The following ZP4 variants were observed in gnomAD, a reference collection of about 807,000 sequenced individuals.
ZP4 encodes the protein zona pellucida sperm-binding protein 4.
A neutral mutation model predicts 62.3 loss-of-function variants in ZP4; 62 were observed. The ratio of observed to expected loss-of-function variants is 0.99; its 90% CI spans 0.81 to 1.23. The LOEUF (loss-of-function observed/expected upper bound fraction) is 1.23. Among genes scored for constraint, ZP4 ranks in the 50% most tolerant of loss-of-function variants. The pLI, the probability that ZP4 is intolerant of heterozygous loss-of-function variation, is 0.00. For missense variants in ZP4, 774 were observed against 656.0 expected (o/e 1.18, Z -1.97); for synonymous variants, 289 against 247.3 (o/e 1.17, Z -1.58).
At position 237,890,155 on chromosome 1, in the gene ZP4, T is replaced by A; in HGVS notation, c.197A>T (p.Glu66Val). The A allele has an allele frequency of 6.2e-7, 1 of 1,614,058 alleles. No individual in the cohort carries two copies. The highest frequency in any genetic ancestry group is 8.5e-7 in the Non-Finnish European group (1 of 1,180,016). The change falls in exon 2 of 12, where the codon GAG becomes GTG. Residue 66 changes from glutamate (E) to valine (V), a missense_variant. Transcript: ENST00000366570. ...IAWDNQGLLH[E>V]LQNDSDCGTW... ...GCCACAGTCGGAGTCATTCTGCAGCTCGTGCAGCAGCCCTTGGTTGTCTGG... is the reference window on the plus strand; with the variant it reads ...GCCACAGTCGGAGTCATTCTGCAGCACGTGCAGCAGCCCTTGGTTGTCTGG...
chr1:237,884,792 A>T lies in ZP4; in HGVS notation c.1367T>A (p.Val456Glu). ...VCQPAETPSC[V>E]VTCPDLSRRR... Reference sequence around the variant, plus strand: ...ACGACTGAGATCAGGACAGGTCACCACACAGGATGGTGTCTCAGCAGGCTG... The same window carrying T: ...ACGACTGAGATCAGGACAGGTCACCTCACAGGATGGTGTCTCAGCAGGCTG... Residue 456 changes from valine (V) to glutamate (E), a missense_variant, in exon 10 of 12, where the codon GTG becomes GAG. Coordinates refer to ENST00000366570, the MANE Select transcript of ZP4 (RefSeq NM_021186.5). 1 of 1,613,814 alleles carries T rather than the reference A, an allele frequency of 6.2e-7. No homozygotes were observed. The highest frequency in any genetic ancestry group is 1.1e-5 in the South Asian group (1 of 90,908).
chr1:237,890,823 T>A lies in ZP4; in HGVS notation c.-188A>T, dbSNP rs560414980. ...TAGCCTCATTTGCTTTGGGGCACAG[T>A]CTGCAGCTGCCTCACATTAAATACC... On this transcript the variant is annotated 5_prime_UTR_variant, in exon 1 of 12. Coordinates refer to ENST00000366570, the MANE Select transcript of ZP4 (RefSeq NM_021186.5). The A allele has an allele frequency of 7.2e-6, 4 of 553,828 alleles. No individual in the cohort carries two copies. In the South Asian group the frequency reaches 8.9e-5, roughly 12 times the overall value. The allele number at this position is 553,828 out of a possible 1,614,324, so 34.3% of individuals were successfully genotyped here. A position where few individuals can be genotyped will look rare whatever the true frequency, so the allele number is the denominator to read the frequency against.
Position 237,890,663 on chromosome 1 carries a change from C to T in ZP4, c.-28G>A. ...TGCTACCAGGAGTTCCTGCCGGCTGCAGACTCTCCGCCTCCTCTCCCAAGA... is the reference window on the plus strand; with the variant it reads ...TGCTACCAGGAGTTCCTGCCGGCTGTAGACTCTCCGCCTCCTCTCCCAAGA... On this transcript the variant is annotated 5_prime_UTR_variant, in exon 1 of 12. Coordinates refer to ENST00000366570, the MANE Select transcript of ZP4 (RefSeq NM_021186.5). 7 of 1,600,998 alleles carry T rather than the reference C, an allele frequency of 4.4e-6. No individual in the cohort carries two copies. Among genetic ancestry groups the T allele is most frequent in the South Asian group, 2.2e-5 (2 of 89,232 alleles).
intron 4 of ZP4, 74 bp from the exon 5 acceptor site, chr1:237,887,635 C>T (rs977573687): frequency 7.4e-6 from 11 of 1,480,774 alleles, no homozygotes; most frequent in South Asian, 1.3e-5. Flanking sequence ...AGTCTAACCA[C>T]TTAGTTACTT....
At chr1:237,887,702 A>T in intron 4 of ZP4, 141 bp from the exon 5 acceptor site, 2 of 799,446 alleles carry the variant, frequency 2.5e-6, no homozygotes, top group East Asian at 2.7e-5. Context: ...GTGCAAGATC[A>T]ACCAACCACA....
chr1:237,885,459 T>TA lies in ZP4; in HGVS notation c.1091dup (p.Gln365ThrfsTer10). ...TGCTGGGTGTTGCCCAACACTGTTG[T>TA]AGGAGCAGCCCCAGGTAGGGGTCTG... On this transcript the variant is annotated frameshift_variant, in exon 8 of 12. Coordinates refer to ENST00000366570, the MANE Select transcript of ZP4 (RefSeq NM_021186.5). LOFTEE classifies it high-confidence loss of function. 3 of 1,614,096 alleles carry TA rather than the reference T, an allele frequency of 1.9e-6. No homozygotes were observed. Among genetic ancestry groups the TA allele is most frequent in the Non-Finnish European group, 2.5e-6 (3 of 1,179,994 alleles).
At chr1:237,884,538 A>T (rs1185759311) in intron 10 of ZP4, among the ~76,000 whole-genome samples, 1 of 152,202 alleles carries the variant, frequency 6.6e-6, no homozygotes, top group Non-Finnish European at 1.5e-5. Flanking sequence ...GATGAATTAA[A>T]GTTTATATGG....
chr1:237,887,612 A>C, intron 4 of ZP4, 51 bp from the exon 5 acceptor site: 1 of 1,566,090 alleles, frequency 6.4e-7, no homozygotes, highest in Non-Finnish European at 8.7e-7. Context: ...CATTGTGGGG[A>C]GAACCAGATG....
rs1190613542 is a variant in ZP4 at position 237,890,595 on chromosome 1, G to T, written c.41C>A (p.Ser14Tyr). Residue 14 changes from serine to tyrosine, a missense_variant, in exon 1 of 12, where the codon TCT (serine) becomes TAT (tyrosine). Ser to Tyr is a moderately radical substitution (Grantham distance 144). Transcript: ENST00000366570. ...LRCVLLCVSL[S>Y]LAVSGQHKPE... Reference sequence around the variant, plus strand: ...CTTATGCTGGCCACTCACAGCAAGAGATAATGAAACACACAGCAAAACGCA... The same window carrying T: ...CTTATGCTGGCCACTCACAGCAAGATATAATGAAACACACAGCAAAACGCA... The T allele has an allele frequency of 6.2e-7, 1 of 1,614,094 alleles. No homozygotes were observed. The highest frequency in any genetic ancestry group is 1.1e-5 in the South Asian group (1 of 91,064).
intron 10 of ZP4, among the ~76,000 whole-genome samples, chr1:237,883,688 G>GAGAGA (rs1664979913): frequency 7.3e-5 from 1 of 13,606 alleles, no homozygotes; most frequent in Non-Finnish European, 1.3e-4. Flanking sequence ...GGAGGGCGGG[G>GAGAGA]GAGGGCGGGG....
intron 10 of ZP4, among the ~76,000 whole-genome samples, chr1:237,884,304 G>A (rs560709501): frequency 6.6e-6 from 1 of 152,162 alleles, no homozygotes; most frequent in Non-Finnish European, 1.5e-5. Flanking sequence ...TCAGAGGCTA[G>A]GCAAGTACAG....
At chr1:237,883,160 G>T (rs1486341365) in intron 10 of ZP4, among the ~76,000 whole-genome samples, 1 of 152,152 alleles carries the variant, frequency 6.6e-6, no homozygotes, top group African/African-American at 2.4e-5. Flanking sequence ...GTAACTATTA[G>T]AACAGAACTT....
rs373818890 is a variant in ZP4 at position 237,885,383 on chromosome 1, C to T, written c.1160+8G>A. Reference sequence around the variant, plus strand: ...ATTTCAGCACAGGTGTATGAAAGAACCACTTACCCCTTTACCAGGATGGGC... The same window carrying T: ...ATTTCAGCACAGGTGTATGAAAGAATCACTTACCCCTTTACCAGGATGGGC... On this transcript the variant is annotated splice_region_variant and intron_variant, in intron 8 of 11. Coordinates refer to ENST00000366570, the MANE Select transcript of ZP4 (RefSeq NM_021186.5). 7 of 1,609,984 alleles carry T rather than the reference C, an allele frequency of 4.3e-6. No homozygotes were observed. The highest frequency in any genetic ancestry group is 5.9e-6 in the Non-Finnish European group (7 of 1,177,968).
Position 237,885,756 on chromosome 1 carries a change from C to A in ZP4, c.970G>T (p.Asp324Tyr), listed in dbSNP as rs753611933. ...PLTLELQIAK[D>Y]KNYGSYYGVG... is the part of the protein sequence containing the mutation. ...GATACTCCAGCCAAGGGGGTCATAC[C>A]TTTGGCAATCTGAAGTTCCAGAGTG... Residue 324 changes from aspartate to tyrosine, a missense_variant and splice_region_variant, in exon 7 of 12, where the codon GAT becomes TAT. By Grantham distance (160) the Asp-to-Tyr change is radical. Transcript: ENST00000366570. 3.1e-6 allele frequency: 5 copies of A among 1,614,000 alleles called. No homozygotes were observed. The highest frequency in any genetic ancestry group is 3.3e-4 in the Middle Eastern group (2 of 6,056).
In ZP4 at chr1:237,890,481, G is replaced by A; in HGVS notation, c.155C>T (p.Pro52Leu). The change falls in exon 1 of 12, where the codon CCT becomes CTT. Residue 52 changes from proline (P) to leucine (L), a missense_variant. Coordinates refer to ENST00000366570, the MANE Select transcript of ZP4 (RefSeq NM_021186.5). The stretch of plus-strand genomic sequence containing the variant: ...CTTACCCCAAGCTATTAGTACAGGA[G>A]GAGACGTTGCCTCCTGGTTGAGGTT... ...AVNLNQEATSPPVLIAWDNQG... is the reference protein window; with the variant it reads ...AVNLNQEATSLPVLIAWDNQG... 3 of 1,613,666 alleles carry A rather than the reference G, an allele frequency of 1.9e-6. No homozygotes were observed. The highest frequency in any genetic ancestry group is 2.5e-6 in the Non-Finnish European group (3 of 1,179,870).
intron 10 of ZP4, among the ~76,000 whole-genome samples, chr1:237,884,033 AACACACACAAACAC>A (rs1360078399): frequency 3.7e-5 from 3 of 80,530 alleles, no homozygotes; most frequent in Admixed American, 1.1e-4. Flanking sequence ...CACACACACA[AACACACACAAACAC>A]ACACAAACAC....
At position 237,890,690 on chromosome 1, in the gene ZP4, C is replaced by T; in HGVS notation, c.-55G>A. 1 of 1,565,454 alleles carries T rather than the reference C, an allele frequency of 6.4e-7. No homozygotes were observed. On this transcript the variant is annotated 5_prime_UTR_variant, in exon 1 of 12. Coordinates refer to ENST00000366570, the MANE Select transcript of ZP4 (RefSeq NM_021186.5). Reference sequence around the variant, plus strand: ...GACTCTCCGCCTCCTCTCCCAAGAGCCGAGGGTCTGCCTGCCCAGATTCCT... The same window carrying T: ...GACTCTCCGCCTCCTCTCCCAAGAGTCGAGGGTCTGCCTGCCCAGATTCCT...
chr1:237,886,263 TCCATAGAAGAA>T (rs1337260949), intron 6 of ZP4, among the ~76,000 whole-genome samples: 1 of 152,072 alleles, frequency 6.6e-6, no homozygotes, highest in Non-Finnish European at 1.5e-5. Context: ...CTTTGAGAAT[TCCATAGAAGAA>T]CCAGGCTGCA....
At chr1:237,885,708 G>A in intron 7 of ZP4, 48 bp downstream of exon 7, 1 of 1,607,760 alleles carries the variant, frequency 6.2e-7, no homozygotes, top group Non-Finnish European at 8.5e-7. Context: ...TGCCCCAGAA[G>A]ACTGGATTTA....
Sources: gnomAD v4.1 joint callset for allele counts (sites outside exome capture counted in the v4.1 genomes callset) on GRCh38, gnomAD v4.1.1 for gene constraint, MANE v1.5 for transcripts, NCBI Gene and HGNC (gene_info 2026-07-23, HGNC 2026-07-21) for gene names.